Variants in THSD4 observed in about 807,000 individuals in gnomAD.
THSD4 encodes thrombospondin type 1 domain containing 4, also known as thrombospondin type-1 domain-containing protein 4.
A neutral mutation model predicts 119.0 loss-of-function variants in THSD4; 69 were observed. The observed-to-expected ratio is 0.58, with a 90% CI of 0.48 to 0.71. The LOEUF (loss-of-function observed/expected upper bound fraction) is 0.71. THSD4 is among the 30% of genes least tolerant of loss of function. The pLI, the probability that THSD4 is intolerant of heterozygous loss-of-function variation, is 0.00. For missense variants in THSD4, 1,393 were observed against 1,391.1 expected (o/e 1.00, Z -0.02); for synonymous variants, 524 against 540.4 (o/e 0.97, Z 0.42).
chr15:71,271,098 A>G (rs2044524013), intron 6 of THSD4, among the ~76,000 whole-genome samples: 1 of 152,164 alleles, frequency 6.6e-6, no homozygotes, highest in Non-Finnish European at 1.5e-5. Context: ...AAGCTTCTTC[A>G]TCATTTAATA....
chr15:71,194,001 G>A (rs964578278), intron 3 of THSD4, among the ~76,000 whole-genome samples: 18 of 152,114 alleles, frequency 1.2e-4, no homozygotes, highest in African/African-American at 2.4e-4. Flanking sequence ...GTGAGCCACC[G>A]CGCCCGGCCT....
intron 7 of THSD4, among the ~76,000 whole-genome samples, chr15:71,500,763 C>G (rs1392240334): frequency 6.6e-6 from 1 of 152,136 alleles, no homozygotes; most frequent in East Asian, 1.9e-4. Context: ...ACCTTGGCAC[C>G]CTTGTGGAAG....
intron 8 of THSD4, among the ~76,000 whole-genome samples, chr15:71,690,023 A>T (rs1018826732): frequency 3.3e-5 from 5 of 152,194 alleles, no homozygotes; most frequent in African/African-American, 1.2e-4. Context: ...GAAATAGAGT[A>T]AATGCCCCCA....
intron 7 of THSD4, among the ~76,000 whole-genome samples, chr15:71,445,086 T>A (rs2047161904): frequency 6.6e-6 from 1 of 152,080 alleles, no homozygotes; most frequent in Admixed American, 6.5e-5. Context: ...CCCTACTTGT[T>A]TTTCTATGGG....
chr15:71,745,036 T>G, intron 11 of THSD4, 70 bp from the exon 12 acceptor site: 1 of 1,548,896 alleles, frequency 6.5e-7, no homozygotes, highest in Non-Finnish European at 8.7e-7. Context: ...CGAATCTCTG[T>G]GCATCTCCAC....
intron 8 of THSD4, among the ~76,000 whole-genome samples, chr15:71,722,381 T>C (rs1342318721): frequency 6.6e-6 from 1 of 152,154 alleles, no homozygotes; most frequent in Non-Finnish European, 1.5e-5. Context: ...TGAGTAATAG[T>C]AATAGATGGT....
At chr15:71,612,892 G>A (rs900165509) in intron 7 of THSD4, among the ~76,000 whole-genome samples, 2 of 152,218 alleles carry the variant, frequency 1.3e-5, no homozygotes, top group Non-Finnish European at 1.5e-5. Context: ...CCATCAGTAG[G>A]AAGAAGTAAA....
In THSD4 at chr15:71,164,966, A is replaced by G. The variant is rs922896232; in HGVS notation, c.99+10034A>G. ...AATATCCTTTTCGTATTTTTCCTTC[A>G]GCTTCGCAGCCTTCTTTTCATAAGG... On this transcript the variant is annotated intron_variant, in intron 3 of 17. Transcript: ENST00000261862. The G allele has an allele frequency of 1.4e-5, 22 of 1,595,662 alleles. No individual in the cohort carries two copies. In the African/African-American group the frequency reaches 2.8e-4, roughly 21 times the overall value.
intron 15 of THSD4, among the ~76,000 whole-genome samples, chr15:71,759,733 A>G (rs991850364): frequency 6.6e-6 from 1 of 152,236 alleles, no homozygotes; most frequent in African/African-American, 2.4e-5. Flanking sequence ...TATGTCTACC[A>G]TTCTTAGAAG....
chr15:71,574,644 A>G (rs1283623356), intron 7 of THSD4, among the ~76,000 whole-genome samples: 1 of 152,106 alleles, frequency 6.6e-6, no homozygotes, highest in Non-Finnish European at 1.5e-5. Context: ...GCATCATGCT[A>G]TGTGACCCTG....
At chr15:71,648,525 A>G (rs1010397065) in intron 7 of THSD4, among the ~76,000 whole-genome samples, 3 of 152,144 alleles carry the variant, frequency 2.0e-5, no homozygotes, top group Non-Finnish European at 4.4e-5. Flanking sequence ...ATTTTCTTTA[A>G]GTTTTTTGTT....
At chr15:71,368,424 C>T (rs1345072914) in intron 6 of THSD4, among the ~76,000 whole-genome samples, 3 of 152,172 alleles carry the variant, frequency 2.0e-5, no homozygotes, top group Non-Finnish European at 4.4e-5. Context: ...TTAGGTCTAA[C>T]ATTTAAGTCT....
chr15:71,773,207 AAAAAAAAAGAAAAAG>A (rs2053853482), intron 17 of THSD4, among the ~76,000 whole-genome samples: 1 of 139,904 alleles, frequency 7.1e-6, no homozygotes, highest in African/African-American at 2.8e-5. Context: ...TCTCAAAAAA[AAAAAAAAAGAAAAAG>A]AAAAAAGAAA....
chr15:71,338,262 G>A (rs1011327471), intron 6 of THSD4, among the ~76,000 whole-genome samples: 3 of 150,850 alleles, frequency 2.0e-5, no homozygotes, highest in Non-Finnish European at 4.4e-5. Flanking sequence ...GATGGCTTAG[G>A]TACCCCCACC....
intron 15 of THSD4, among the ~76,000 whole-genome samples, chr15:71,762,927 C>G (rs1169031124): frequency 6.6e-6 from 1 of 152,000 alleles, no homozygotes; most frequent in East Asian, 1.9e-4. Flanking sequence ...AAAAATTAGC[C>G]AAGCATAGGG....
chr15:71,493,521 C>T (rs946154180), intron 7 of THSD4, among the ~76,000 whole-genome samples: 1 of 152,032 alleles, frequency 6.6e-6, no homozygotes, highest in Non-Finnish European at 1.5e-5. Flanking sequence ...ACTGAGGCTC[C>T]GGGAAGCTTA....
At chr15:71,714,868 C>G (rs1018298245) in intron 8 of THSD4, among the ~76,000 whole-genome samples, 1 of 151,984 alleles carries the variant, frequency 6.6e-6, no homozygotes, top group South Asian at 2.1e-4. Flanking sequence ...CACGTGTACC[C>G]CCAATCCTAA....
intron 7 of THSD4, among the ~76,000 whole-genome samples, chr15:71,454,760 A>C (rs1379795315): frequency 1.3e-5 from 2 of 152,224 alleles, no homozygotes; most frequent in Non-Finnish European, 2.9e-5. Flanking sequence ...CTCCCTTTGC[A>C]ATCTCAGCTC....
chr15:71,369,146 T>C (rs1427963037), intron 6 of THSD4, among the ~76,000 whole-genome samples: 2 of 152,252 alleles, frequency 1.3e-5, no homozygotes, highest in Non-Finnish European at 2.9e-5. Flanking sequence ...CCTAAGACTT[T>C]GCTGAAGTTG....
Sources: gnomAD v4.1 joint callset for allele counts (sites outside exome capture counted in the v4.1 genomes callset) on GRCh38, gnomAD v4.1.1 for gene constraint, MANE v1.5 for transcripts, NCBI Gene and HGNC (gene_info 2026-07-23, HGNC 2026-07-21) for gene names.